Variants in PRR14 observed in about 807,000 individuals in gnomAD.
PRR14 encodes the protein proline rich 14.
In PRR14, 33 loss-of-function variants were observed where a neutral mutation model predicts 57.2. The ratio of observed to expected loss-of-function variants is 0.58; its 90% CI spans 0.44 to 0.77. The LOEUF (loss-of-function observed/expected upper bound fraction) is 0.77. Ranked by LOEUF, PRR14 falls within the 30% of genes least tolerant of loss-of-function variation. The pLI is 0.00. For missense variants in PRR14, 716 were observed against 788.1 expected (o/e 0.91, Z 1.10); for synonymous variants, 303 against 314.7 (o/e 0.96, Z 0.39).
In PRR14 at chr16:30,656,155, G is replaced by A. The variant is rs537545484; in HGVS notation, c.1602G>A (p.Pro534=). The part of the protein sequence containing the change: ...RDSSLPRSRR[P]SRGVRAAGGR... Reference sequence around the variant, plus strand: ...GCAGCCTTCCTCGATCACGAAGACCGTCCCGTGGGGTCCGGGCTGCAGGGG... The same window carrying A: ...GCAGCCTTCCTCGATCACGAAGACCATCCCGTGGGGTCCGGGCTGCAGGGG... Residue 534 remains proline, a synonymous_variant, in exon 12 of 12, where the codon CCG becomes CCA. Coordinates refer to ENST00000300835, the MANE Select transcript of PRR14 (RefSeq NM_024031.5). 15 of 1,591,904 alleles carry A rather than the reference G, an allele frequency of 9.4e-6. No homozygotes were observed. Among genetic ancestry groups the A allele is most frequent in the African/African-American group, 8.1e-5 (6 of 73,856 alleles).
In PRR14 at chr16:30,655,043, G is replaced by A. The variant is rs754535172; in HGVS notation, c.1073G>A (p.Arg358Gln). The change falls in exon 8 of 12, where the codon CGG becomes CAG. Residue 358 changes from arginine to glutamine, a missense_variant. Physicochemically the swap from Arg to Gln is conservative, Grantham distance 43. Coordinates refer to ENST00000300835, the MANE Select transcript of PRR14 (RefSeq NM_024031.5). This position sits in a 1 kb window ranked among gnomAD's most constrained non-coding sequence, Gnocchi z 4.6. ...PPAPPQPSRP[R>Q]PRRHTVGGGE... Reference sequence around the variant, plus strand: ...GCTCCACCCCAACCAAGCCGACCACGGCCGCGGCGGCACACTGTGGGTGGT... The same window carrying A: ...GCTCCACCCCAACCAAGCCGACCACAGCCGCGGCGGCACACTGTGGGTGGT... The A allele has an allele frequency of 9.4e-5, 152 of 1,610,598 alleles. No individual in the cohort carries two copies. The highest frequency in any genetic ancestry group is 9.7e-5 in the Non-Finnish European group (115 of 1,179,764).
chr16:30,656,246 G>C lies in PRR14; in HGVS notation c.1693G>C (p.Glu565Gln). 6.2e-7 allele frequency: 1 copy of C among 1,613,340 alleles called. No individual in the cohort carries two copies. Among genetic ancestry groups the C allele is most frequent in the Non-Finnish European group, 8.5e-7 (1 of 1,180,010 alleles). Residue 565 changes from glutamate (E) to glutamine (Q), a missense_variant, in exon 12 of 12, where the codon GAG becomes CAG. Coordinates refer to ENST00000300835, the MANE Select transcript of PRR14 (RefSeq NM_024031.5). ...GGGCCCCCTGCTCCAGCAGCGGCTG[G>C]AGGAGCTAGATGCCTTGCTCCTGGA... ...DVGPLLQQRL[E>Q]ELDALLLEEE...
Position 30,651,881 on chromosome 16 carries a change from C to T in PRR14, c.109C>T (p.Leu37Phe). 6.2e-7 allele frequency: 1 copy of T among 1,606,332 alleles called. No individual in the cohort carries two copies. The highest frequency in any genetic ancestry group is 1.3e-5 in the African/African-American group (1 of 74,814). ...ARSPKRPRLQLPGAPSPLEKA... is the reference protein window; with the variant it reads ...ARSPKRPRLQFPGAPSPLEKA... Reference sequence around the variant, plus strand: ...GAGCCCGAAACGGCCGAGGCTGCAGCTCCCGGGGGCCCCTTCTCCCCTGGA... The same window carrying T: ...GAGCCCGAAACGGCCGAGGCTGCAGTTCCCGGGGGCCCCTTCTCCCCTGGA... The change falls in exon 3 of 12, where the codon CTC (leucine) becomes TTC (phenylalanine). Residue 37 changes from leucine (L) to phenylalanine (F), a missense_variant. By Grantham distance (22) the Leu-to-Phe change is conservative (BLOSUM62 0). Transcript: ENST00000300835. This position sits in a 1 kb window ranked among gnomAD's most constrained non-coding sequence, Gnocchi z 5.0.
rs2052360322 is a variant in PRR14, at chr16:30,655,403, T to C, written c.1297T>C (p.Ser433Pro). The change falls in exon 9 of 12, where the codon TCA (serine) becomes CCA (proline). Residue 433 changes from serine (S) to proline (P), a missense_variant. By Grantham distance (74) the Ser-to-Pro change is moderately conservative. Coordinates refer to ENST00000300835, the MANE Select transcript of PRR14 (RefSeq NM_024031.5). The surrounding 1 kb of genome is among the most constrained non-coding windows in gnomAD (Gnocchi z 4.6). ...AAGAGCCTCAAAGGACCAGGTGCTTTCAGAACCTGAGACCAAGGTAGGCAT... is the reference window on the plus strand; with the variant it reads ...AAGAGCCTCAAAGGACCAGGTGCTTCCAGAACCTGAGACCAAGGTAGGCAT... ...EPRASKDQVL[S>P]EPETKTMGKV... The C allele has an allele frequency of 1.2e-6, 2 of 1,614,088 alleles. No homozygotes were observed. The highest frequency in any genetic ancestry group is 1.3e-5 in the African/African-American group (1 of 75,050).
At position 30,651,286 on chromosome 16, in the gene PRR14, G is replaced by C. The variant is rs1596602545; in HGVS notation, c.-51+159G>C. On this transcript the variant is annotated intron_variant, in intron 1 of 11. Coordinates refer to ENST00000300835, the MANE Select transcript of PRR14 (RefSeq NM_024031.5). The surrounding 1 kb of genome is among the most constrained non-coding windows in gnomAD (Gnocchi z 5.0). ...ATAGCCTCCCAGGACCGGGATCCCC[G>C]TGGATCCCGGGGGATCTCGGGGCAT... 1 of 344,758 alleles carries C rather than the reference G, an allele frequency of 2.9e-6. No homozygotes were observed. The highest frequency in any genetic ancestry group is 2.1e-5 in the African/African-American group (1 of 47,204). 21.4% of individuals were successfully genotyped at this position (344,758 alleles called of 1,614,324 possible). A position where few individuals can be genotyped will look rare whatever the true frequency, so the allele number is the denominator to read the frequency against.
chr16:30,653,437 A>C (rs753795789), intron 6 of PRR14, 29 bp downstream of exon 6: 1 of 1,607,662 alleles, frequency 6.2e-7, no homozygotes, highest in Non-Finnish European at 8.5e-7. Flanking sequence ...GGATTATCAA[A>C]GGATCCAGGC....
rs1369552373 is a variant in PRR14 at position 30,652,795 on chromosome 16, G to A, written c.267G>A (p.Gln89=). The change falls in exon 4 of 12, where the codon CAG becomes CAA. Residue 89 remains glutamine, a synonymous_variant. Coordinates refer to ENST00000300835, the MANE Select transcript of PRR14 (RefSeq NM_024031.5). ...ACCATCAGGATCCTGTCCACAGGCA[G>A]CCGCCTGCCTCGCCACCCCGGCAGG... ...HSYHQDPVHR[Q]PPASPPRQAG... is the part of the protein sequence containing the mutation. 6.2e-7 allele frequency: 1 copy of A among 1,613,832 alleles called. No homozygotes were observed.
rs986270077 is a variant in PRR14, at chr16:30,656,381, A to G, written c.*70A>G. On this transcript the variant is annotated 3_prime_UTR_variant, in exon 12 of 12. Transcript: ENST00000300835. ...CCCAGGCAGTTATTTTTTTTTCTCT[A>G]TATTTCTAGTAAAGTTTTCGATATG... is the stretch of plus-strand genomic sequence containing the variant. 8 of 1,418,798 alleles carry G rather than the reference A, an allele frequency of 5.6e-6. No individual in the cohort carries two copies. The highest frequency in any genetic ancestry group is 2.9e-5 in the African/African-American group (2 of 69,022). 87.9% of individuals were successfully genotyped at this position (1,418,798 alleles called of 1,614,324 possible). A position where few individuals can be genotyped will look rare whatever the true frequency, so the allele number is the denominator to read the frequency against.
Position 30,654,200 on chromosome 16 carries a change from C to T in PRR14, c.549-30C>T, listed in dbSNP as rs199690295. ...GCTCAGGTGGGATACCTGGAAGTTC[C>T]CCTAGCCTTTACCTTGCCCTTCACC... On this transcript the variant is annotated intron_variant, in intron 6 of 11. Coordinates refer to ENST00000300835, the MANE Select transcript of PRR14 (RefSeq NM_024031.5). The T allele has an allele frequency of 1.5e-5, 23 of 1,543,790 alleles. No individual in the cohort carries two copies. The African/African-American group carries it at 2.7e-4, about 18-fold the overall frequency.
At chr16:30,654,550 G>A (rs1567539096) in intron 7 of PRR14, 79 bp from the exon 8 acceptor site, 2 of 1,223,834 alleles carry the variant, frequency 1.6e-6, no homozygotes, top group Non-Finnish European at 2.3e-6. Context: ...ATTCCCCTGT[G>A]CACAAAGTTG....
At chr16:30,654,128 C>CA (rs370614424) in intron 6 of PRR14, 102 bp from the exon 7 acceptor site, 71,408 of 658,354 alleles carry the variant, frequency 0.11, 490 homozygotes, top group African/African-American at 0.2. Flanking sequence ...GGCTCTGTCT[C>CA]AAAAAAAAAA....
At chr16:30,654,379 T>A in intron 7 of PRR14, 40 bp downstream of exon 7, 1 of 1,494,874 alleles carries the variant, frequency 6.7e-7, no homozygotes, top group Non-Finnish European at 9.3e-7. Context: ...CTTGGGTGTC[T>A]GGGACATCCT....
intron 7 of PRR14, 86 bp from the exon 8 acceptor site, chr16:30,654,543 C>A: frequency 8.6e-7 from 1 of 1,168,364 alleles, no homozygotes; most frequent in Non-Finnish European, 1.2e-6. Flanking sequence ...TGGGCTAATT[C>A]CCCTGTGCAC....
Position 30,651,190 on chromosome 16 carries a change from A to G in PRR14, c.-51+63A>G, listed in dbSNP as rs1448077554. On this transcript the variant is annotated intron_variant, in intron 1 of 11. Coordinates refer to ENST00000300835, the MANE Select transcript of PRR14 (RefSeq NM_024031.5). This position sits in a 1 kb window ranked among gnomAD's most constrained non-coding sequence, Gnocchi z 5.0. ...TGGTGGGATGGAGGGTCGTCGATGTATGGAGTATTGCTTTGGAGTCCTCGG... is the reference window on the plus strand; with the variant it reads ...TGGTGGGATGGAGGGTCGTCGATGTGTGGAGTATTGCTTTGGAGTCCTCGG... 2 of 393,810 alleles carry G rather than the reference A, an allele frequency of 5.1e-6. No homozygotes were observed. Among genetic ancestry groups the G allele is most frequent in the Non-Finnish European group, 1.1e-5 (2 of 189,076 alleles). 24.4% of individuals were successfully genotyped at this position (393,810 alleles called of 1,614,324 possible).
At chr16:30,652,461 T>G in intron 3 of PRR14, 2 of 592,188 alleles carry the variant, frequency 3.4e-6, no homozygotes, top group Non-Finnish European at 3.0e-6. Context: ...AAAAAGGCAG[T>G]GACCCACCCT....
At position 30,654,950 on chromosome 16, in the gene PRR14, C is replaced by T; in HGVS notation, c.980C>T (p.Ser327Phe). 1 of 1,612,260 alleles carries T rather than the reference C, an allele frequency of 6.2e-7. No homozygotes were observed. The highest frequency in any genetic ancestry group is 8.5e-7 in the Non-Finnish European group (1 of 1,180,036). Residue 327 changes from serine (S) to phenylalanine (F), a missense_variant, in exon 8 of 12, where the codon TCT (serine) becomes TTT (phenylalanine). Transcript: ENST00000300835. ...ACCCCAGCACTTCTCCCTAAGCCCT[C>T]TCTGGGCCGAAGCTACTCCTGCCCT... The part of the protein sequence containing the change: ...HNTPALLPKP[S>F]LGRSYSCPDL...
chr16:30,653,536 GC>G, intron 6 of PRR14, 128 bp downstream of exon 6: 1 of 961,674 alleles, frequency 1.0e-6, no homozygotes, highest in Non-Finnish European at 1.6e-6. Context: ...GCCTTAAGGG[GC>G]CGGGCACGCC....
Position 30,653,056 on chromosome 16 carries a change from C to T in PRR14, c.457C>T (p.Leu153=), listed in dbSNP as rs2052330256. Residue 153 remains leucine, a synonymous_variant, in exon 5 of 12, where the codon CTG becomes TTG. Transcript: ENST00000300835. Reference sequence around the variant, plus strand: ...GGTGGACCGGGCCCCCCAGCCCACCCTGGTGGTGATGCTGGAAGACATCGC... The same window carrying T: ...GGTGGACCGGGCCCCCCAGCCCACCTTGGTGGTGATGCTGGAAGACATCGC... ...QKVDRAPQPT[L]VVMLEDIASP... is the part of the protein sequence containing the mutation. 3 of 1,613,584 alleles carry T rather than the reference C, an allele frequency of 1.9e-6. No individual in the cohort carries two copies. The East Asian group carries it at 6.7e-5, about 36-fold the overall frequency.
At position 30,653,032 on chromosome 16, in the gene PRR14, GT is replaced by G; in HGVS notation, c.434del (p.Val145GlyfsTer11). 6.2e-7 allele frequency: 1 copy of G among 1,613,992 alleles called. No homozygotes were observed. The highest frequency in any genetic ancestry group is 8.5e-7 in the Non-Finnish European group (1 of 1,179,968). ...CCCAGAGGAGGGCCCTTCACAAAAGGTGGACCGGGCCCCCCAGCCCACCCTG... is the reference window on the plus strand; with the variant it reads ...CCCAGAGGAGGGCCCTTCACAAAAGGGGACCGGGCCCCCCAGCCCACCCTG... ...PGPEEGPSQKVDRAPQPTLVV... is the reference protein window; with the variant it reads ...PGPEEGPSQKXDRAPQPTLVV... On this transcript the variant is annotated frameshift_variant, in exon 5 of 12. Coordinates refer to ENST00000300835, the MANE Select transcript of PRR14 (RefSeq NM_024031.5). LOFTEE classifies it high-confidence loss of function.
Sources: allele counts gnomAD v4.1 joint callset, GRCh38; gene constraint gnomAD v4.1.1; non-coding constraint Gnocchi (gnomAD v3.1); transcripts MANE v1.5; gene names NCBI Gene and HGNC (gene_info 2026-07-23, HGNC 2026-07-21).